PCDHGA10: variants seen among roughly 807,000 people sequenced by gnomAD.
PCDHGA10 encodes the protein protocadherin gamma subfamily A, 10, also known as protocadherin gamma-A10.
Under a neutral mutation model 59.5 loss-of-function variants are expected in PCDHGA10, and 42 were observed. The observed-to-expected ratio is 0.71, with a 90% CI of 0.55 to 0.91. PCDHGA10 has a LOEUF of 0.91. Among genes scored for constraint, PCDHGA10 ranks in the 40% least tolerant of loss-of-function variants. The pLI is 0.00. For synonymous variants in PCDHGA10, 511 were observed against 517.2 expected (o/e 0.99, Z 0.16); for missense variants, 1,111 against 1,198.2 (o/e 0.93, Z 1.07).
chr5:141,511,560 TC>T lies in PCDHGA10; in HGVS notation c.*390del. ...CCACCCCACTCCAACAGTTCCTCTT[TC>T]CCGAGTAAGGTGGTTGGGGTGTTGA... On this transcript the variant is annotated 3_prime_UTR_variant, in exon 4 of 4. Transcript: ENST00000398610. 3.3e-6 allele frequency: 1 copy of T among 298,990 alleles called. No individual in the cohort carries two copies. The highest frequency in any genetic ancestry group is 3.7e-5 in the South Asian group (1 of 27,250). The allele number at this position is 298,990 out of a possible 1,614,324, so 18.5% of individuals were successfully genotyped here. A position where few individuals can be genotyped will look rare whatever the true frequency, so the allele number is the denominator to read the frequency against.
intron 2 of PCDHGA10, 117 bp downstream of exon 2, chr5:141,494,982 G>C: frequency 6.4e-7 from 1 of 1,563,940 alleles, no homozygotes; most frequent in Non-Finnish European, 8.7e-7. Context: ...CTCAGTTTGA[G>C]ATCCCAGGGA....
Position 141,414,537 on chromosome 5 carries a change from T to C in PCDHGA10, c.1362T>C (p.Pro454=), listed in dbSNP as rs2095757230. 6.2e-7 allele frequency: 1 copy of C among 1,613,978 alleles called. No homozygotes were observed. The highest frequency in any genetic ancestry group is 8.5e-7 in the Non-Finnish European group (1 of 1,179,898). ...LQVADINDNP[P]TFSQVSYFTY... ...TGGCAGATATCAATGACAACCCACC[T>C]ACCTTCTCTCAAGTCTCCTACTTTA... is the stretch of plus-strand genomic sequence containing the variant. Residue 454 remains proline, a synonymous_variant, in exon 1 of 4, where the codon CCT becomes CCC. Coordinates refer to ENST00000398610, the MANE Select transcript of PCDHGA10 (RefSeq NM_018913.3).
At chr5:141,504,528 C>T (rs750099460) in intron 2 of PCDHGA10, among the ~76,000 whole-genome samples, 2 of 151,854 alleles carry the variant, frequency 1.3e-5, no homozygotes, top group Non-Finnish European at 2.9e-5. Flanking sequence ...ATATTTTATT[C>T]GTGTCATCAT....
intron 1 of PCDHGA10, chr5:141,441,780 C>A: frequency 2.6e-6 from 1 of 391,236 alleles, no homozygotes. Flanking sequence ...GGTGGACGAC[C>A]TGAATGACAA....
chr5:141,503,024 A>G (rs574653661), intron 2 of PCDHGA10, among the ~76,000 whole-genome samples: 2 of 150,210 alleles, frequency 1.3e-5, no homozygotes, highest in South Asian at 2.1e-4. Context: ...TTTTTTTTTA[A>G]TATCTATTTT....
chr5:141,426,375 G>A, intron 1 of PCDHGA10: 2 of 216,424 alleles, frequency 9.2e-6, no homozygotes, highest in South Asian at 7.8e-5. Flanking sequence ...GGGCACCCTC[G>A]GAGCAGATCC....
Position 141,486,362 on chromosome 5 carries a change from C to A in PCDHGA10, c.2437-8445C>A. On this transcript the variant is annotated intron_variant, in intron 1 of 3. Coordinates refer to ENST00000398610, the MANE Select transcript of PCDHGA10 (RefSeq NM_018913.3). The surrounding 1 kb of genome is among the most constrained non-coding windows in gnomAD (Gnocchi z 5.0). ...CATTCCTGACCACTTGCCATTTGCC[C>A]TCAAGTCTGCCTTCAGGAACCAGTT... The A allele has an allele frequency of 6.2e-7, 1 of 1,614,132 alleles. No individual in the cohort carries two copies. The highest frequency in any genetic ancestry group is 1.7e-5 in the Admixed American group (1 of 60,024).
At position 141,491,150 on chromosome 5, in the gene PCDHGA10, A is replaced by G; in HGVS notation, c.2437-3657A>G. On this transcript the variant is annotated intron_variant, in intron 1 of 3. Coordinates refer to ENST00000398610, the MANE Select transcript of PCDHGA10 (RefSeq NM_018913.3). This position sits in a 1 kb window ranked among gnomAD's most constrained non-coding sequence, Gnocchi z 6.9. ...CGCACAGCCCGGGCCTTACTGGAGG[A>G]TGACTCTGACACCCAGCAGGTGGTG... is the stretch of plus-strand genomic sequence containing the variant. 1 of 1,614,122 alleles carries G rather than the reference A, an allele frequency of 6.2e-7. No individual in the cohort carries two copies. Among genetic ancestry groups the G allele is most frequent in the African/African-American group, 1.3e-5 (1 of 75,060 alleles).
At chr5:141,423,695 G>T in intron 1 of PCDHGA10, 1 of 1,338,020 alleles carries the variant, frequency 7.5e-7, no homozygotes, top group Non-Finnish European at 9.7e-7. Context: ...AATTGTTGGT[G>T]TCTTGGCACA....
Position 141,490,602 on chromosome 5 carries a change from C to G in PCDHGA10, c.2437-4205C>G, listed in dbSNP as rs1249440194. On this transcript the variant is annotated intron_variant, in intron 1 of 3. Transcript: ENST00000398610. This position sits in a 1 kb window ranked among gnomAD's most constrained non-coding sequence, Gnocchi z 5.4. Reference sequence around the variant, plus strand: ...ATGTCAATGACAATGCACCCCGCTTCAACCAGCAGCTTTACACTGCTTACA... The same window carrying G: ...ATGTCAATGACAATGCACCCCGCTTGAACCAGCAGCTTTACACTGCTTACA... The G allele has an allele frequency of 6.2e-7, 1 of 1,614,084 alleles. No individual in the cohort carries two copies. Among genetic ancestry groups the G allele is most frequent in the African/African-American group, 1.3e-5 (1 of 74,930 alleles).
At chr5:141,500,929 C>T (rs1347340945) in intron 2 of PCDHGA10, among the ~76,000 whole-genome samples, 2 of 151,210 alleles carry the variant, frequency 1.3e-5, no homozygotes, top group South Asian at 2.1e-4. Flanking sequence ...GGTGCAGTGG[C>T]GCCATCTCGG....
At position 141,485,325 on chromosome 5, in the gene PCDHGA10, A is replaced by T; in HGVS notation, c.2437-9482A>T. 6.2e-7 allele frequency: 1 copy of T among 1,614,078 alleles called. No homozygotes were observed. Among genetic ancestry groups the T allele is most frequent in the Non-Finnish European group, 8.5e-7 (1 of 1,180,014 alleles). ...ACTTTTGTAGGGAATGTCGCTCAAG[A>T]TTTCCTGCTGGATACGGACAGTCTG... is the stretch of plus-strand genomic sequence containing the variant. On this transcript the variant is annotated intron_variant, in intron 1 of 3. Coordinates refer to ENST00000398610, the MANE Select transcript of PCDHGA10 (RefSeq NM_018913.3). This position sits in a 1 kb window ranked among gnomAD's most constrained non-coding sequence, Gnocchi z 5.7.
intron 2 of PCDHGA10, among the ~76,000 whole-genome samples, chr5:141,503,269 C>T (rs1161751693): frequency 6.6e-6 from 1 of 152,116 alleles, no homozygotes; most frequent in Non-Finnish European, 1.5e-5. Flanking sequence ...ACCCCAGCAC[C>T]TGGCTCTGTG....
At position 141,414,148 on chromosome 5, in the gene PCDHGA10, G is replaced by A; in HGVS notation, c.973G>A (p.Ala325Thr). Residue 325 changes from alanine (A) to threonine (T), a missense_variant, in exon 1 of 4, where the codon GCA (alanine) becomes ACA (threonine). Coordinates refer to ENST00000398610, the MANE Select transcript of PCDHGA10 (RefSeq NM_018913.3). Reference sequence around the variant, plus strand: ...CGGTTTCTATGAAATAGAAATACAAGCAGAAGATGGAGGAGCATATCTTGC... The same window carrying A: ...CGGTTTCTATGAAATAGAAATACAAACAGAAGATGGAGGAGCATATCTTGC... The part of the protein sequence containing the change: ...ETGFYEIEIQ[A>T]EDGGAYLATA... 6.3e-7 allele frequency: 1 copy of A among 1,598,900 alleles called. No individual in the cohort carries two copies. The highest frequency in any genetic ancestry group is 8.5e-7 in the Non-Finnish European group (1 of 1,172,420).
intron 1 of PCDHGA10, among the ~76,000 whole-genome samples, chr5:141,492,418 C>T (rs1428695013): frequency 2.0e-5 from 3 of 152,236 alleles, no homozygotes; most frequent in Admixed American, 1.3e-4. Flanking sequence ...CCGCTCCCTC[C>T]GCCGGGCTCA....
At chr5:141,478,428 C>G in intron 1 of PCDHGA10, 1 of 1,613,746 alleles carries the variant, frequency 6.2e-7, no homozygotes. Flanking sequence ...CGCAGCGACC[C>G]GCTGCTGAAG....
chr5:141,419,981 A>G (rs2096455772), intron 1 of PCDHGA10: 2 of 1,613,934 alleles, frequency 1.2e-6, no homozygotes, highest in East Asian at 2.2e-5. Flanking sequence ...CCTCGCGGTG[A>G]TTCTAGCTAT....
At chr5:141,468,995 T>G (rs533843461) in intron 1 of PCDHGA10, among the ~76,000 whole-genome samples, 1 of 147,628 alleles carries the variant, frequency 6.8e-6, no homozygotes, top group Non-Finnish European at 1.5e-5. Context: ...TTATTGTTTT[T>G]GCTGGGTGCG....
intron 1 of PCDHGA10, among the ~76,000 whole-genome samples, chr5:141,488,117 G>A (rs1231303931): frequency 6.6e-6 from 1 of 152,190 alleles, no homozygotes; most frequent in African/African-American, 2.4e-5. Flanking sequence ...GAAACATAGA[G>A]ACAGCAGAAA....
Sources: gnomAD v4.1 joint callset for allele counts (sites outside exome capture counted in the v4.1 genomes callset) on GRCh38, gnomAD v4.1.1 for gene constraint, Gnocchi (gnomAD v3.1) non-coding constraint, MANE v1.5 for transcripts, NCBI Gene and HGNC (gene_info 2026-07-23, HGNC 2026-07-21) for gene names.